The following NAV2 variants were observed in gnomAD, a reference collection of about 807,000 sequenced individuals.
The protein encoded by NAV2 is neuron navigator 2.
NAV2 carries 54 observed loss-of-function variants against 223.2 expected under a neutral mutation model. The ratio of observed to expected loss-of-function variants is 0.24; its 90% CI spans 0.19 to 0.30. The LOEUF is 0.30. NAV2 is among the 10% of genes least tolerant of loss of function. The pLI, the probability that NAV2 is intolerant of heterozygous loss-of-function variation, is 1.00. For synonymous variants in NAV2, 1,279 were observed against 1,239.3 expected, an observed-to-expected ratio of 1.03 and a Z score of -0.67; for missense variants, 2,806 against 3,147.5, an observed-to-expected ratio of 0.89 and a Z score of 2.60.
At chr11:19,698,965 A>G (rs1232732138) in intron 1 of NAV2, among the ~76,000 whole-genome samples, 1 of 152,204 alleles carries the variant, frequency 6.6e-6, no homozygotes, top group African/African-American at 2.4e-5. Flanking sequence ...CCCCTGCCTT[A>G]TGAAGAAGAC....
At chr11:19,488,591 A>T (rs371690599) in intron 1 of NAV2, among the ~76,000 whole-genome samples, 1 of 152,342 alleles carries the variant, frequency 6.6e-6, no homozygotes, top group Admixed American at 6.5e-5. Flanking sequence ...ATAAATCATC[A>T]GTTGCTTTAC....
chr11:20,054,659 G>T (rs7933861), intron 18 of NAV2, among the ~76,000 whole-genome samples: 1 of 152,000 alleles, frequency 6.6e-6, no homozygotes, highest in Non-Finnish European at 1.5e-5. Context: ...AGATTTTATC[G>T]CATATCCCAT....
intron 6 of NAV2, among the ~76,000 whole-genome samples, chr11:19,929,904 CA>C (rs2045162251): frequency 6.6e-6 from 1 of 152,174 alleles, no homozygotes; most frequent in African/African-American, 2.4e-5. Context: ...ACACAAGGAT[CA>C]CTTCCTCCAG....
In NAV2 at chr11:20,062,330, G is replaced by A; in HGVS notation, c.4855G>A (p.Val1619Ile). ...AGTTCATGGATCCTCACTCTCCTTG[G>A]TTTCCAGCACATCGTCAGTTTATTC... ...EEVHGSSLSL[V>I]SSTSSVYSTP... Residue 1619 changes from valine to isoleucine, a missense_variant, in exon 20 of 38, where the codon GTT (valine) becomes ATT (isoleucine). This residue lies in a region of NAV2 where 824 missense variants were observed against 1,069.4 expected (regional missense o/e 0.77). Coordinates refer to ENST00000349880, the MANE Select transcript of NAV2 (RefSeq NM_145117.5). 6.2e-7 allele frequency: 1 copy of A among 1,611,070 alleles called. No homozygotes were observed. The highest frequency in any genetic ancestry group is 8.5e-7 in the Non-Finnish European group (1 of 1,179,254).
chr11:19,543,745 C>T (rs1313114936), intron 1 of NAV2, among the ~76,000 whole-genome samples: 1 of 152,216 alleles, frequency 6.6e-6, no homozygotes. Flanking sequence ...AAAGTTACTT[C>T]TCTTTCTCTT....
intron 1 of NAV2, among the ~76,000 whole-genome samples, chr11:19,694,955 C>T (rs1287141746): frequency 1.3e-5 from 2 of 152,186 alleles, no homozygotes; most frequent in East Asian, 1.9e-4. Flanking sequence ...TTGGCAGAGG[C>T]GGGTGTGACC....
chr11:19,558,831 G>A (rs763543623), intron 1 of NAV2, among the ~76,000 whole-genome samples: 4 of 152,050 alleles, frequency 2.6e-5, no homozygotes, highest in East Asian at 1.9e-4. Flanking sequence ...TCCCTGTCTC[G>A]GAACACACAT....
At chr11:19,411,757 A>G (rs931015228) in intron 1 of NAV2, among the ~76,000 whole-genome samples, 1 of 152,180 alleles carries the variant, frequency 6.6e-6, no homozygotes, top group Non-Finnish European at 1.5e-5. Context: ...GAAGGAGAAG[A>G]GAGAGCTTCA....
chr11:19,766,257 G>C (rs1270874000), intron 1 of NAV2, among the ~76,000 whole-genome samples: 1 of 152,134 alleles, frequency 6.6e-6, no homozygotes, highest in Non-Finnish European at 1.5e-5. Context: ...GTAATGCAAA[G>C]AGGAATCGGA....
chr11:19,562,728 G>T (rs1487193), intron 1 of NAV2, among the ~76,000 whole-genome samples: 3 of 152,138 alleles, frequency 2.0e-5, no homozygotes, highest in Non-Finnish European at 4.4e-5. Flanking sequence ...GTGGATTTAC[G>T]CAGCACTAAA....
At chr11:19,771,578 AC>A (rs774847965) in intron 1 of NAV2, among the ~76,000 whole-genome samples, 12 of 151,600 alleles carry the variant, frequency 7.9e-5, no homozygotes, top group Non-Finnish European at 1.5e-4. Context: ...GAAATTCTTG[AC>A]CCTCATCTGA....
intron 1 of NAV2, among the ~76,000 whole-genome samples, chr11:19,732,660 A>T (rs1029705982): frequency 6.6e-6 from 1 of 152,168 alleles, no homozygotes; most frequent in Non-Finnish European, 1.5e-5. Context: ...GCCTTCAAGG[A>T]ACTCTGCTTC....
In NAV2 at chr11:19,933,301, G is replaced by A. The variant is rs374215617; in HGVS notation, c.1057G>A (p.Ala353Thr). The A allele has an allele frequency of 2.2e-5, 36 of 1,613,480 alleles. No homozygotes were observed. The highest frequency in any genetic ancestry group is 3.0e-5 in the Non-Finnish European group (35 of 1,179,776). The change falls in exon 7 of 38, where the codon GCA (alanine) becomes ACA (threonine). Residue 353 changes from alanine (A) to threonine (T), a missense_variant. Physicochemically the swap from Ala to Thr is moderately conservative, Grantham distance 58. Transcript: ENST00000349880. This position sits in a 1 kb window ranked among gnomAD's most constrained non-coding sequence, Gnocchi z 4.3. ...STSSAIPQPG[A>T]ATKPWRSKSL... The stretch of plus-strand genomic sequence containing the variant: ...CTCCTCGGCCATCCCGCAGCCCGGT[G>A]CAGCCACCAAGCCTTGGCGCAGCAA...
intron 1 of NAV2, among the ~76,000 whole-genome samples, chr11:19,588,620 T>G (rs557249954): frequency 6.6e-6 from 1 of 152,278 alleles, no homozygotes; most frequent in Non-Finnish European, 1.5e-5. Context: ...ACAACTACCA[T>G]TGGAGACATA....
At chr11:19,467,050 TAGAGAG>T (rs1196393422) in intron 1 of NAV2, among the ~76,000 whole-genome samples, 2 of 131,490 alleles carry the variant, frequency 1.5e-5, no homozygotes, top group Admixed American at 1.5e-4. Flanking sequence ...GAGAGATAGA[TAGAGAG>T]AGAGAGATGG....
At chr11:20,071,951 C>CT (rs2059432457) in intron 22 of NAV2, among the ~76,000 whole-genome samples, 1 of 152,056 alleles carries the variant, frequency 6.6e-6, no homozygotes, top group Non-Finnish European at 1.5e-5. Context: ...AATTAGATCC[C>CT]TTTTGTCTAT....
chr11:19,946,572 T>C, intron 9 of NAV2, 63 bp downstream of exon 9: 1 of 1,395,952 alleles, frequency 7.2e-7, no homozygotes, highest in Non-Finnish European at 1.0e-6. Context: ...CTGTGTTTGT[T>C]CATAGCAGTA....
chr11:19,629,492 C>T (rs550942160), intron 1 of NAV2, among the ~76,000 whole-genome samples: 2 of 151,682 alleles, frequency 1.3e-5, no homozygotes, highest in Admixed American at 6.6e-5. Flanking sequence ...CACACACACA[C>T]GTACAGACAC....
chr11:19,418,474 C>T (rs972579911), intron 1 of NAV2, among the ~76,000 whole-genome samples: 1 of 152,180 alleles, frequency 6.6e-6, no homozygotes, highest in Non-Finnish European at 1.5e-5. Flanking sequence ...GTTTTCTAAG[C>T]TGAAACTCTT....
Sources: allele counts gnomAD v4.1 joint callset (sites outside exome capture counted in the v4.1 genomes callset), GRCh38; gene constraint gnomAD v4.1.1; regional missense constraint gnomAD v4.1.1; non-coding constraint Gnocchi (gnomAD v3.1); transcripts MANE v1.5; gene names NCBI Gene and HGNC (gene_info 2026-07-23, HGNC 2026-07-21).